NBAS: variants seen among roughly 807,000 people sequenced by gnomAD.
NBAS encodes NBAS subunit of NRZ tethering complex.
NBAS carries 219 observed loss-of-function variants against 302.5 expected under a neutral mutation model. That is an observed-to-expected ratio of 0.72 (90% CI 0.65 to 0.81). NBAS has a LOEUF of 0.81. Ranked by LOEUF, NBAS falls within the 30% of genes least tolerant of loss-of-function variation. The pLI is 0.00. For missense variants in NBAS, 2,932 were observed against 2,841.6 expected (o/e 1.03, Z -0.72); for synonymous variants, 1,118 against 1,021.6 (o/e 1.09, Z -1.80).
At chr2:14,795,724 G>A in the NBAS span, among the ~76,000 whole-genome samples, 1 of 152,178 alleles carries the variant, frequency 6.6e-6, no homozygotes, top group Non-Finnish European at 1.5e-5. Context: ...GACAGAGGAG[G>A]AGGTTTGGCC....
the NBAS span, among the ~76,000 whole-genome samples, chr2:15,114,256 A>C: frequency 6.6e-6 from 1 of 152,208 alleles, no homozygotes; most frequent in Non-Finnish European, 1.5e-5. Flanking sequence ...TCTGAATGCT[A>C]GAAATTCAAG....
chr2:15,402,789 C>T (rs1413943505), intron 25 of NBAS, among the ~76,000 whole-genome samples: 1 of 150,088 alleles, frequency 6.7e-6, no homozygotes, highest in Non-Finnish European at 1.5e-5. Context: ...TGTAATAGAT[C>T]AATACACAAA....
At position 15,544,975 on chromosome 2, in the gene NBAS, C is replaced by A. The variant is rs370251117; in HGVS notation, c.380-5619G>T. On this transcript the variant is annotated intron_variant, in intron 6 of 51. Transcript: ENST00000281513. ...GCAGTGAGCCAAGATCGTGTCACTG[C>A]ACTCCAGCCTAGGTGATAGAGCAAG... Among the ~76,000 whole-genome samples, 252 of 151,744 alleles carry A rather than the reference C, an allele frequency of 1.7e-3. 1 individual carries two copies. The highest frequency in any genetic ancestry group is 6.8e-3 in the Middle Eastern group (2 of 294).
intron 40 of NBAS, among the ~76,000 whole-genome samples, chr2:15,300,671 T>C (rs754253138): frequency 4.6e-5 from 7 of 152,196 alleles, no homozygotes; most frequent in Admixed American, 1.3e-4. Context: ...GGTCTGGTGA[T>C]ACAGGAAGCA....
At chr2:15,060,110 A>G in the NBAS span, among the ~76,000 whole-genome samples, 77,217 of 151,940 alleles carry the variant, frequency 0.51, 21,721 homozygotes, top group African/African-American at 0.77. Context: ...ACCTAATGTT[A>G]CTAGGCCTCT....
intron 35 of NBAS, among the ~76,000 whole-genome samples, chr2:15,336,496 G>A (rs1216749788): frequency 6.6e-6 from 1 of 152,198 alleles, no homozygotes; most frequent in Admixed American, 6.6e-5. Flanking sequence ...CACTTTGGGA[G>A]GCTGAGGTGG....
At chr2:15,088,629 G>A in the NBAS span, among the ~76,000 whole-genome samples, 1 of 152,212 alleles carries the variant, frequency 6.6e-6, no homozygotes, top group Non-Finnish European at 1.5e-5. Context: ...GCAGGAAGGG[G>A]ACCCAGCGAT....
At chr2:15,429,613 T>G (rs747196664) in intron 21 of NBAS, among the ~76,000 whole-genome samples, 14 of 152,130 alleles carry the variant, frequency 9.2e-5, no homozygotes, top group Non-Finnish European at 1.9e-4. Context: ...GCATCACCCT[T>G]GCAGTTATTA....
the NBAS span, among the ~76,000 whole-genome samples, chr2:14,868,001 ATTCT>A: frequency 6.6e-6 from 1 of 152,204 alleles, no homozygotes; most frequent in Non-Finnish European, 1.5e-5. Flanking sequence ...CTCACTTCAC[ATTCT>A]TTATTACTAG....
At chr2:14,863,652 G>C in the NBAS span, among the ~76,000 whole-genome samples, 1 of 152,182 alleles carries the variant, frequency 6.6e-6, no homozygotes, top group South Asian at 2.1e-4. Flanking sequence ...CAGGTCACAG[G>C]GGTTACAATG....
chr2:15,065,994 A>G, the NBAS span, among the ~76,000 whole-genome samples: 37 of 152,300 alleles, frequency 2.4e-4, no homozygotes, highest in Admixed American at 2.4e-3. Flanking sequence ...TTACAAAGTT[A>G]TAGTAAACAA....
At chr2:15,179,449 T>C (rs1664718760) in intron 50 of NBAS, 1 of 300,200 alleles carries the variant, frequency 3.3e-6, no homozygotes, top group Non-Finnish European at 6.4e-6. Context: ...AATGTATGTA[T>C]TTATAGCTCC....
intron 48 of NBAS, among the ~76,000 whole-genome samples, chr2:15,207,783 G>C (rs1558437821): frequency 6.6e-6 from 1 of 152,072 alleles, no homozygotes; most frequent in Non-Finnish European, 1.5e-5. Flanking sequence ...AAGTTTCCTG[G>C]GGCCTCCCAA....
chr2:15,554,187 CA>C (rs1558435324), intron 3 of NBAS, 49 bp from the exon 4 acceptor site: 3 of 1,428,110 alleles, frequency 2.1e-6, no homozygotes, highest in Non-Finnish European at 2.0e-6. Context: ...ATGAAAACCA[CA>C]TATATGCAGA....
intron 30 of NBAS, among the ~76,000 whole-genome samples, chr2:15,376,722 T>G (rs1674762048): frequency 6.6e-6 from 1 of 152,212 alleles, no homozygotes; most frequent in African/African-American, 2.4e-5. Flanking sequence ...GTTTAAATAT[T>G]TATTGCTTCC....
intron 44 of NBAS, among the ~76,000 whole-genome samples, chr2:15,260,948 C>T (rs1170206308): frequency 6.6e-6 from 1 of 152,178 alleles, no homozygotes; most frequent in Non-Finnish European, 1.5e-5. Context: ...GTCTGTTTTG[C>T]TTGTGTGTCT....
rs547515635 is a variant in NBAS at position 15,341,606 on chromosome 2, T to TA, written c.4179+10385dup. 4.2e-4 allele frequency among the ~76,000 whole-genome samples: 64 copies of TA among 152,010 alleles called. No individual in the cohort carries two copies. In the South Asian group the frequency reaches 9.8e-3, roughly 23 times the overall value. ...TTACAAACACAGTTATTTTAAAATA[T>TA]AAAAAATATATCAGAAATGCACGGG... On this transcript the variant is annotated intron_variant, in intron 35 of 51. Transcript: ENST00000281513.
At chr2:14,871,210 G>A in the NBAS span, among the ~76,000 whole-genome samples, 78 of 150,622 alleles carry the variant, frequency 5.2e-4, no homozygotes, top group Middle Eastern at 3.4e-3. Context: ...AGAAATAGAG[G>A]AGAAAGATGA....
the NBAS span, among the ~76,000 whole-genome samples, chr2:14,910,152 G>T: frequency 6.6e-6 from 1 of 152,130 alleles, no homozygotes; most frequent in Non-Finnish European, 1.5e-5. Flanking sequence ...AATTACATGT[G>T]CTTAGCTGTT....
Sources: gnomAD v4.1 joint callset for allele counts (sites outside exome capture counted in the v4.1 genomes callset) on GRCh38, gnomAD v4.1.1 for gene constraint, MANE v1.5 for transcripts, NCBI Gene and HGNC (gene_info 2026-07-23, HGNC 2026-07-21) for gene names.